Variants in SNX5 observed in about 807,000 individuals in gnomAD.
SNX5 encodes the protein sorting nexin 5.
Under a neutral mutation model 53.9 loss-of-function variants are expected in SNX5, and 31 were observed. That is an observed-to-expected ratio of 0.58 (90% CI 0.43 to 0.78). The LOEUF is 0.78. Ranked by LOEUF, SNX5 falls within the 30% of genes least tolerant of loss-of-function variation. SNX5 has a pLI of 0.00. For missense variants in SNX5, 471 were observed against 478.8 expected (o/e 0.98, Z 0.15); for synonymous variants, 168 against 171.1 (o/e 0.98, Z 0.14).
intron 10 of SNX5, among the ~76,000 whole-genome samples, chr20:17,948,203 AT>A (rs770733947): frequency 1.2e-4 from 18 of 152,246 alleles, no homozygotes; most frequent in Non-Finnish European, 1.6e-4. Flanking sequence ...ATAATAACTG[AT>A]GGGTGAAACT....
chr20:17,967,029 C>G (rs1293807383), intron 1 of SNX5, among the ~76,000 whole-genome samples: 2 of 152,262 alleles, frequency 1.3e-5, no homozygotes, highest in East Asian at 3.9e-4. Flanking sequence ...GTTTCTGTAG[C>G]CTCTAAAACA....
chr20:17,950,152 T>G lies in SNX5; in HGVS notation c.771A>C (p.Glu257Asp). The G allele has an allele frequency of 6.2e-7, 1 of 1,614,212 alleles. No homozygotes were observed. Among genetic ancestry groups the G allele is most frequent in the Non-Finnish European group, 8.5e-7 (1 of 1,180,006 alleles). The change falls in exon 8 of 13, where the codon GAA becomes GAC. Residue 257 changes from glutamate to aspartate, a missense_variant. By Grantham distance (45) the Glu-to-Asp change is conservative (BLOSUM62 2). Coordinates refer to ENST00000377759, the MANE Select transcript of SNX5 (RefSeq NM_014426.4). ...TAACLHSLALEEPTVIKKYLL... is the reference protein window; with the variant it reads ...TAACLHSLALDEPTVIKKYLL... ...CTTACTTTTTGATGACTGTGGGCTC[T>G]TCTAAAGCCAGGCTATGTAAGCAGG...
At chr20:17,962,493 G>A (rs1360909452) in intron 1 of SNX5, among the ~76,000 whole-genome samples, 1 of 151,938 alleles carries the variant, frequency 6.6e-6, no homozygotes, top group Non-Finnish European at 1.5e-5. Flanking sequence ...GTGAGCCACC[G>A]CGCCCAGCCC....
intron 2 of SNX5, 33 bp from the exon 3 acceptor site, chr20:17,955,508 A>G: frequency 6.7e-7 from 1 of 1,495,498 alleles, no homozygotes; most frequent in Non-Finnish European, 9.3e-7. Flanking sequence ...ACTGGTAACC[A>G]CGACTTTTAG....
chr20:17,964,134 G>A (rs180983609), intron 1 of SNX5, among the ~76,000 whole-genome samples: 230 of 152,204 alleles, frequency 1.5e-3, no homozygotes, highest in Non-Finnish European at 2.8e-3. Flanking sequence ...GGAAGGGTGA[G>A]GGAAGAAGTC....
chr20:17,951,632 G>A (rs79064418), intron 5 of SNX5, 37 bp from the exon 6 acceptor site: 10 of 1,393,772 alleles, frequency 7.2e-6, no homozygotes, highest in Non-Finnish European at 9.2e-6. Context: ...TATATGGTAT[G>A]GATTTTTCTA....
rs1568594500 is a variant in SNX5 at position 17,957,055 on chromosome 20, CG to C, written c.52-19del. The C allele has an allele frequency of 2.8e-6, 4 of 1,429,108 alleles. No homozygotes were observed. The highest frequency in any genetic ancestry group is 2.3e-5 in the East Asian group (1 of 44,030). 88.5% of individuals were successfully genotyped at this position (1,429,108 alleles called of 1,614,324 possible). On this transcript the variant is annotated intron_variant, in intron 1 of 12. Transcript: ENST00000377759. The stretch of plus-strand genomic sequence containing the variant: ...GATCTCAGCTGAAATACATTTTTTG[CG>C]TATTAGTTTCAAACTCATTTGGCCC...
intron 11 of SNX5, 25 bp downstream of exon 11, chr20:17,947,461 C>G (rs2039501439): frequency 6.2e-7 from 1 of 1,604,306 alleles, no homozygotes; most frequent in Non-Finnish European, 8.5e-7. Context: ...AATTACAGTA[C>G]AGAAAGAAGA....
At chr20:17,960,812 C>T (rs1282874151) in intron 1 of SNX5, among the ~76,000 whole-genome samples, 1 of 150,316 alleles carries the variant, frequency 6.7e-6, no homozygotes, top group Non-Finnish European at 1.5e-5. Context: ...ACAAACCCAA[C>T]AACCCAGCCT....
intron 2 of SNX5, among the ~76,000 whole-genome samples, chr20:17,956,025 T>C (rs2035347802): frequency 6.6e-6 from 1 of 152,122 alleles, no homozygotes; most frequent in Non-Finnish European, 1.5e-5. Context: ...GATCTGCCCA[T>C]CTTGTCCTCC....
chr20:17,968,768 C>A lies in SNX5; in HGVS notation c.-343G>T. On this transcript the variant is annotated 5_prime_UTR_variant, in exon 1 of 13. Coordinates refer to ENST00000377759, the MANE Select transcript of SNX5 (RefSeq NM_014426.4). ...ACACGGACGGGAAGCAACGGACACT[C>A]TCCCAGCAAGACGCGTCTAGAGAAA... 1 of 341,290 alleles carries A rather than the reference C, an allele frequency of 2.9e-6. No homozygotes were observed. The highest frequency in any genetic ancestry group is 5.4e-6 in the Non-Finnish European group (1 of 184,274). 21.1% of individuals were successfully genotyped at this position (341,290 alleles called of 1,614,324 possible). A position where few individuals can be genotyped will look rare whatever the true frequency, so the allele number is the denominator to read the frequency against.
intron 1 of SNX5, among the ~76,000 whole-genome samples, chr20:17,964,697 C>A (rs988803528): frequency 6.6e-6 from 1 of 152,206 alleles, no homozygotes; most frequent in Non-Finnish European, 1.5e-5. Flanking sequence ...CTTCACTACA[C>A]ACTGTTGTGA....
chr20:17,956,945 T>G lies in SNX5; in HGVS notation c.144A>C (p.Thr48=). 6.3e-7 allele frequency: 1 copy of G among 1,576,218 alleles called. No homozygotes were observed. Among genetic ancestry groups the G allele is most frequent in the Non-Finnish European group, 8.7e-7 (1 of 1,146,226 alleles). Residue 48 remains threonine, a synonymous_variant, in exon 2 of 13, where the codon ACA becomes ACC. Coordinates refer to ENST00000377759, the MANE Select transcript of SNX5 (RefSeq NM_014426.4). ...ALSERDKVKF[T]VHTKTTLPTF... ...GCATGTTACTTACCTTTGTGTGCAC[T>G]GTAAATTTGACTTTGTCTCTCTCAC...
chr20:17,965,392 G>A (rs1360176514), intron 1 of SNX5, among the ~76,000 whole-genome samples: 1 of 152,048 alleles, frequency 6.6e-6, no homozygotes, highest in Admixed American at 6.6e-5. Context: ...CTCACCGAAT[G>A]AGGAGTTTAC....
Position 17,961,061 on chromosome 20 carries a change from G to A in SNX5, c.52-4024C>T, listed in dbSNP as rs141656214. ...ACATTTTCAACTGTTTTAAAAAATCGCAGTGCTTTTGGTAAGAGAGCCAAG... is the reference window on the plus strand; with the variant it reads ...ACATTTTCAACTGTTTTAAAAAATCACAGTGCTTTTGGTAAGAGAGCCAAG... On this transcript the variant is annotated intron_variant, in intron 1 of 12. Coordinates refer to ENST00000377759, the MANE Select transcript of SNX5 (RefSeq NM_014426.4). 1.8e-3 allele frequency: 1,517 copies of A among 827,826 alleles called. 27 individuals carry two copies. The Admixed American group carries it at 0.043, about 24-fold the overall frequency. The allele number at this position is 827,826 out of a possible 1,614,324, so 51.3% of individuals were successfully genotyped here.
At chr20:17,949,558 G>A (rs756360256) in intron 8 of SNX5, among the ~76,000 whole-genome samples, 2 of 152,166 alleles carry the variant, frequency 1.3e-5, no homozygotes, top group Non-Finnish European at 2.9e-5. Context: ...TGCCCAGGAT[G>A]GAGAAACTGA....
At chr20:17,951,620 T>C (rs758266972) in intron 5 of SNX5, 25 bp from the exon 6 acceptor site, 9 of 1,475,556 alleles carry the variant, frequency 6.1e-6, no homozygotes, top group Non-Finnish European at 8.5e-6. Flanking sequence ...TTCCAAAGAG[T>C]TTATATGGTA....
chr20:17,950,146 G>A lies in SNX5; in HGVS notation c.777C>T (p.Pro259=), dbSNP rs142401289. The A allele has an allele frequency of 8.7e-6, 14 of 1,613,968 alleles. No homozygotes were observed. Among genetic ancestry groups the A allele is most frequent in the Non-Finnish European group, 1.2e-5 (14 of 1,179,988 alleles). ...ACLHSLALEE[P]TVIKKYLLKV... ...AAAAAACTTACTTTTTGATGACTGT[G>A]GGCTCTTCTAAAGCCAGGCTATGTA... The change falls in exon 8 of 13, where the codon CCC becomes CCT. Residue 259 remains proline (P), a synonymous_variant. Coordinates refer to ENST00000377759, the MANE Select transcript of SNX5 (RefSeq NM_014426.4).
intron 5 of SNX5, among the ~76,000 whole-genome samples, chr20:17,951,933 A>G (rs1357920736): frequency 6.6e-6 from 1 of 152,240 alleles, no homozygotes; most frequent in South Asian, 2.1e-4. Context: ...CATAAAAGTC[A>G]TAATTCGCGG....
Sources: gnomAD v4.1 joint callset for allele counts (sites outside exome capture counted in the v4.1 genomes callset) on GRCh38, gnomAD v4.1.1 for gene constraint, MANE v1.5 for transcripts, NCBI Gene and HGNC (gene_info 2026-07-23, HGNC 2026-07-21) for gene names.